KCND2: variants seen among roughly 807,000 people sequenced by gnomAD.
The protein encoded by KCND2 is A-type voltage-gated potassium channel KCND2.
A neutral mutation model predicts 54.4 loss-of-function variants in KCND2; 16 were observed. The observed-to-expected ratio is 0.29, with a 90% CI of 0.20 to 0.45. The LOEUF is 0.45. Ranked by LOEUF, KCND2 falls within the 20% of genes least tolerant of loss-of-function variation. The pLI is 1.00. For synonymous variants in KCND2, 317 were observed against 310.7 expected (o/e 1.02, Z -0.21); for missense variants, 486 against 824.2 (o/e 0.59, Z 5.02).
intron 1 of KCND2, among the ~76,000 whole-genome samples, chr7:120,619,444 A>G (rs1221885391): frequency 1.3e-5 from 2 of 152,234 alleles, no homozygotes; most frequent in African/African-American, 4.8e-5. Context: ...AACATGTTAG[A>G]AAACAAAAAA....
Position 120,444,984 on chromosome 7 carries a change from AT to A in KCND2, c.1115+169241del, listed in dbSNP as rs1473836024. On this transcript the variant is annotated intron_variant, in intron 1 of 5. Coordinates refer to ENST00000331113, the MANE Select transcript of KCND2 (RefSeq NM_012281.3). ...TTCTCCTTTAATTTCAGGCAATTTA[AT>A]TTTCTGCCCACTTCACAAAGAAATG... 8.5e-5 allele frequency among the ~76,000 whole-genome samples: 13 copies of A among 152,190 alleles called. No individual in the cohort carries two copies. The East Asian group carries it at 2.5e-3, about 29-fold the overall frequency.
At chr7:120,670,541 T>G (rs768680818) in intron 1 of KCND2, among the ~76,000 whole-genome samples, 36 of 152,010 alleles carry the variant, frequency 2.4e-4, no homozygotes, top group Non-Finnish European at 4.0e-4. Flanking sequence ...AGAGTCTGAT[T>G]TATCACCCTG....
At chr7:120,651,293 A>G (rs892479134) in intron 1 of KCND2, among the ~76,000 whole-genome samples, 3 of 146,998 alleles carry the variant, frequency 2.0e-5, no homozygotes, top group African/African-American at 7.8e-5. Flanking sequence ...CACTTTGTTT[A>G]CCTACTCAAG....
chr7:120,378,681 T>C (rs1800870441), intron 1 of KCND2, among the ~76,000 whole-genome samples: 1 of 151,978 alleles, frequency 6.6e-6, no homozygotes, highest in African/African-American at 2.4e-5. Context: ...GTCATATAAA[T>C]CTTTAGGGAT....
intron 1 of KCND2, among the ~76,000 whole-genome samples, chr7:120,462,960 A>G (rs905424713): frequency 9.9e-5 from 15 of 152,026 alleles, no homozygotes; most frequent in Non-Finnish European, 2.1e-4. Flanking sequence ...TGTTTATCCA[A>G]ACTTACTTTT....
chr7:120,549,080 GAAACTGAC>G (rs773977981), intron 1 of KCND2, among the ~76,000 whole-genome samples: 38 of 152,068 alleles, frequency 2.5e-4, no homozygotes, highest in Non-Finnish European at 7.4e-5. Flanking sequence ...GTATCTGAGT[GAAACTGAC>G]CCCACATCCA....
At chr7:120,417,481 A>G (rs927064566) in intron 1 of KCND2, among the ~76,000 whole-genome samples, 3 of 152,216 alleles carry the variant, frequency 2.0e-5, no homozygotes, top group African/African-American at 4.8e-5. Flanking sequence ...TCCCTCAGTC[A>G]TCCTGCTAAT....
intron 1 of KCND2, among the ~76,000 whole-genome samples, chr7:120,530,133 G>T (rs1323089076): frequency 6.6e-6 from 1 of 152,122 alleles, no homozygotes. Context: ...ACAACAGATT[G>T]ACTATTGTCA....
intron 1 of KCND2, among the ~76,000 whole-genome samples, chr7:120,639,359 TAAG>T (rs879627271): frequency 6.6e-6 from 1 of 152,134 alleles, no homozygotes; most frequent in Non-Finnish European, 1.5e-5. Flanking sequence ...GAACAAAGCT[TAAG>T]AAATAGTACA....
intron 1 of KCND2, among the ~76,000 whole-genome samples, chr7:120,400,379 A>G (rs1584763160): frequency 6.6e-6 from 1 of 152,296 alleles, no homozygotes; most frequent in East Asian, 1.9e-4. Flanking sequence ...AAGCAAAGTC[A>G]TGTCACTAAA....
At chr7:120,281,427 G>GAA (rs10708123) in intron 1 of KCND2, among the ~76,000 whole-genome samples, 1 of 145,238 alleles carries the variant, frequency 6.9e-6, no homozygotes, top group African/African-American at 2.5e-5. Context: ...GTCTGATATT[G>GAA]AAAAAAAAAA....
intron 1 of KCND2, among the ~76,000 whole-genome samples, chr7:120,541,054 C>A (rs1791974178): frequency 6.6e-6 from 1 of 152,132 alleles, no homozygotes; most frequent in Non-Finnish European, 1.5e-5. Flanking sequence ...CCCACCCTAG[C>A]CCATGCTCTA....
intron 1 of KCND2, among the ~76,000 whole-genome samples, chr7:120,697,045 G>C (rs1256290826): frequency 6.6e-6 from 1 of 152,084 alleles, no homozygotes; most frequent in Non-Finnish European, 1.5e-5. Flanking sequence ...CACAGCTTTT[G>C]AATCTCTGAG....
chr7:120,701,240 TAAAAAAAAAAAAAAAAAAAAAAA>T (rs34803439), intron 1 of KCND2, among the ~76,000 whole-genome samples: 7 of 55,098 alleles, frequency 1.3e-4, no homozygotes, highest in South Asian at 1.6e-3. Context: ...AATGCCTAGC[TAAAAAAAAAAAAAAAAAAAAAAA>T]AAAAAAAAAA....
intron 1 of KCND2, among the ~76,000 whole-genome samples, chr7:120,294,742 A>G (rs1298854174): frequency 6.6e-6 from 1 of 151,910 alleles, no homozygotes; most frequent in Non-Finnish European, 1.5e-5. Context: ...TATTCTTATT[A>G]GCCAAACACT....
At chr7:120,567,437 T>C (rs1423646443) in intron 1 of KCND2, among the ~76,000 whole-genome samples, 1 of 152,096 alleles carries the variant, frequency 6.6e-6, no homozygotes, top group Non-Finnish European at 1.5e-5. Flanking sequence ...ATCAGAAAAA[T>C]AGCCTAGGAT....
intron 1 of KCND2, among the ~76,000 whole-genome samples, chr7:120,300,712 C>A (rs1429899782): frequency 6.6e-6 from 1 of 152,042 alleles, no homozygotes; most frequent in Non-Finnish European, 1.5e-5. Context: ...CATCTAGACA[C>A]TTAACATCTC....
intron 1 of KCND2, among the ~76,000 whole-genome samples, chr7:120,314,170 T>C (rs1455368602): frequency 2.0e-5 from 3 of 151,984 alleles, no homozygotes; most frequent in African/African-American, 7.2e-5. Flanking sequence ...AAGAGAAATA[T>C]TCAGATTCAG....
At chr7:120,426,584 C>CTTTTTTTTTTTTTTTT (rs1563042450) in intron 1 of KCND2, among the ~76,000 whole-genome samples, 1 of 123,752 alleles carries the variant, frequency 8.1e-6, no homozygotes, top group African/African-American at 3.1e-5. Context: ...TGGGGTTTTT[C>CTTTTTTTTTTTTTTTT]TTTGTTTTTT....
Sources: gnomAD v4.1 joint callset for allele counts (sites outside exome capture counted in the v4.1 genomes callset) on GRCh38, gnomAD v4.1.1 for gene constraint, MANE v1.5 for transcripts, NCBI Gene and HGNC (gene_info 2026-07-23, HGNC 2026-07-21) for gene names.